GALNTL6: variants seen among roughly 807,000 people sequenced by gnomAD.
GALNTL6 encodes polypeptide N-acetylgalactosaminyltransferase like 6.
GALNTL6 carries 46 observed loss-of-function variants against 73.7 expected under a neutral mutation model. The ratio of observed to expected loss-of-function variants is 0.62; its 90% CI spans 0.49 to 0.80. The LOEUF is 0.80. Ranked by LOEUF, GALNTL6 falls within the 30% of genes least tolerant of loss-of-function variation. The pLI is 0.00. For synonymous variants in GALNTL6, 259 were observed against 263.7 expected, an observed-to-expected ratio of 0.98 and a Z score of 0.17; for missense variants, 604 against 755.0, an observed-to-expected ratio of 0.80 and a Z score of 2.34.
intron 5 of GALNTL6, among the ~76,000 whole-genome samples, chr4:172,516,650 A>G (rs1734616986): frequency 6.6e-6 from 1 of 152,206 alleles, no homozygotes; most frequent in South Asian, 2.1e-4. Flanking sequence ...GAAAAAATTA[A>G]TTACTGAGTG....
At chr4:172,063,417 A>G (rs1200209857) in intron 2 of GALNTL6, among the ~76,000 whole-genome samples, 1 of 152,028 alleles carries the variant, frequency 6.6e-6, no homozygotes, top group African/African-American at 2.4e-5. Context: ...AATATTACAG[A>G]TTTTTCCCTA....
intron 2 of GALNTL6, among the ~76,000 whole-genome samples, chr4:171,896,306 T>C (rs1736912029): frequency 1.3e-5 from 2 of 152,210 alleles, no homozygotes; most frequent in South Asian, 4.1e-4. Flanking sequence ...CATTGTCTTG[T>C]AAACATTTAT....
intron 5 of GALNTL6, among the ~76,000 whole-genome samples, chr4:172,620,733 T>C (rs1738922193): frequency 6.6e-6 from 1 of 152,196 alleles, no homozygotes; most frequent in South Asian, 2.1e-4. Flanking sequence ...TCTGTCCCAT[T>C]TCTGCCTCTT....
chr4:172,406,647 A>G (rs534070129), intron 5 of GALNTL6, among the ~76,000 whole-genome samples: 6 of 152,168 alleles, frequency 3.9e-5, no homozygotes, highest in Non-Finnish European at 5.9e-5. Context: ...AATTAGTGAC[A>G]GAGCAGAACT....
At chr4:172,764,338 C>T (rs1401409792) in intron 5 of GALNTL6, among the ~76,000 whole-genome samples, 1 of 152,122 alleles carries the variant, frequency 6.6e-6, no homozygotes, top group African/African-American at 2.4e-5. Context: ...TGTTGAAAAA[C>T]CATTTGGAAA....
intron 3 of GALNTL6, among the ~76,000 whole-genome samples, chr4:172,251,142 T>C (rs922496655): frequency 5.9e-5 from 9 of 152,100 alleles, no homozygotes; most frequent in African/African-American, 2.2e-4. Context: ...GTCCAAAATC[T>C]GATGGTGGAG....
intron 5 of GALNTL6, among the ~76,000 whole-genome samples, chr4:172,422,643 C>G (rs1731090954): frequency 6.6e-6 from 1 of 151,910 alleles, no homozygotes; most frequent in Admixed American, 6.6e-5. Context: ...TTATGTCTAG[C>G]TCAGATCTTC....
chr4:172,268,174 T>C (rs1481273899), intron 3 of GALNTL6, among the ~76,000 whole-genome samples: 2 of 152,226 alleles, frequency 1.3e-5, no homozygotes, highest in Non-Finnish European at 2.9e-5. Context: ...ATAAGTCTGC[T>C]ATGTTATTGC....
At chr4:171,850,233 A>G (rs1735484593) in intron 2 of GALNTL6, among the ~76,000 whole-genome samples, 1 of 152,152 alleles carries the variant, frequency 6.6e-6, no homozygotes, top group Non-Finnish European at 1.5e-5. Flanking sequence ...CAGCCTCCCA[A>G]GGTGCTGGGA....
At chr4:172,262,063 A>G (rs1738275179) in intron 3 of GALNTL6, among the ~76,000 whole-genome samples, 1 of 151,332 alleles carries the variant, frequency 6.6e-6, no homozygotes, top group Admixed American at 6.6e-5. Flanking sequence ...CATATGGTCA[A>G]TCTTGGAGAA....
At chr4:171,914,118 A>T (rs1737548003) in intron 2 of GALNTL6, among the ~76,000 whole-genome samples, 1 of 152,168 alleles carries the variant, frequency 6.6e-6, no homozygotes, top group East Asian at 1.9e-4. Flanking sequence ...TCATCAAAAC[A>T]CTATAGAGCA....
At chr4:172,867,810 T>G (rs1198144201) in intron 7 of GALNTL6, among the ~76,000 whole-genome samples, 1 of 152,148 alleles carries the variant, frequency 6.6e-6, no homozygotes, top group African/African-American at 2.4e-5. Context: ...CAGGGAACAT[T>G]ATGACCACAC....
At chr4:172,245,707 G>A (rs574401968) in intron 3 of GALNTL6, among the ~76,000 whole-genome samples, 1 of 152,088 alleles carries the variant, frequency 6.6e-6, no homozygotes, top group Non-Finnish European at 1.5e-5. Context: ...TCCAAGATCT[G>A]GCACAAATTT....
chr4:172,084,414 C>T (rs753485455), intron 2 of GALNTL6, among the ~76,000 whole-genome samples: 2 of 152,124 alleles, frequency 1.3e-5, no homozygotes, highest in East Asian at 1.9e-4. Context: ...AACAAGAAAA[C>T]GATGACCATA....
chr4:172,154,369 A>T (rs1417393827), intron 2 of GALNTL6, among the ~76,000 whole-genome samples: 3 of 151,982 alleles, frequency 2.0e-5, no homozygotes, highest in Non-Finnish European at 2.9e-5. Context: ...AGTAGCTGGG[A>T]CTACAGGCAT....
chr4:172,880,674 T>C (rs552591763), intron 7 of GALNTL6, among the ~76,000 whole-genome samples: 5 of 152,268 alleles, frequency 3.3e-5, no homozygotes, highest in African/African-American at 1.2e-4. Context: ...TAAGCTGTTT[T>C]AAAACTCACG....
At chr4:172,953,729 C>T (rs1396669702) in intron 10 of GALNTL6, among the ~76,000 whole-genome samples, 1 of 152,234 alleles carries the variant, frequency 6.6e-6, no homozygotes, top group Non-Finnish European at 1.5e-5. Context: ...CACCCTCCAT[C>T]TCCTCATGGT....
At chr4:172,586,494 A>G (rs1553963014) in intron 5 of GALNTL6, among the ~76,000 whole-genome samples, 2 of 149,834 alleles carry the variant, frequency 1.3e-5, no homozygotes, top group South Asian at 2.1e-4. Flanking sequence ...AAAAAAAAGG[A>G]CATTTCAAGA....
intron 2 of GALNTL6, among the ~76,000 whole-genome samples, chr4:172,106,774 T>C (rs962976870): frequency 4.6e-5 from 7 of 152,086 alleles, no homozygotes; most frequent in East Asian, 1.9e-4. Flanking sequence ...CACAGGCCAA[T>C]AGTGAACAAA....
Sources: allele counts gnomAD v4.1 joint callset (sites outside exome capture counted in the v4.1 genomes callset), GRCh38; gene constraint gnomAD v4.1.1; transcripts MANE v1.5; gene names NCBI Gene and HGNC (gene_info 2026-07-23, HGNC 2026-07-21).